COG3: variants seen among roughly 807,000 people sequenced by gnomAD.
COG3 encodes the protein conserved oligomeric Golgi complex subunit 3.
A neutral mutation model predicts 114.1 loss-of-function variants in COG3; 32 were observed. The observed-to-expected ratio is 0.28, with a 90% confidence interval of 0.21 to 0.38. The LOEUF is 0.38. Ranked by LOEUF, COG3 falls within the 10% of genes least tolerant of loss-of-function variation. COG3 has a pLI of 1.00. For missense variants in COG3, 813 were observed against 973.2 expected (o/e 0.84, Z 2.19); for synonymous variants, 352 against 365.7 (o/e 0.96, Z 0.43).
At chr13:45,474,283 A>G (rs1380570130) in intron 1 of COG3, among the ~76,000 whole-genome samples, 17 of 146,890 alleles carry the variant, frequency 1.2e-4, no homozygotes, top group Admixed American at 3.5e-4. Context: ...TCAGCCTCCC[A>G]ACTAGCTGGG....
intron 8 of COG3, among the ~76,000 whole-genome samples, chr13:45,489,724 C>T (rs1305403029): frequency 2.6e-5 from 4 of 152,034 alleles, no homozygotes; most frequent in African/African-American, 4.8e-5. Context: ...GTAAGCCCAT[C>T]TTCTTCCTGG....
In COG3 at chr13:45,519,412, C is replaced by T. The variant is rs79893307; in HGVS notation, c.2154+318C>T. Among the ~76,000 whole-genome samples, 9 of 152,334 alleles carry T rather than the reference C, an allele frequency of 5.9e-5. No individual in the cohort carries two copies. The East Asian group carries it at 1.5e-3, about 26-fold the overall frequency. ...TGTGGGCTGGGACTCTCACTTTCTCCTGGACCTGCATGGCAGCAACCACAG... is the reference window on the plus strand; with the variant it reads ...TGTGGGCTGGGACTCTCACTTTCTCTTGGACCTGCATGGCAGCAACCACAG... On this transcript the variant is annotated intron_variant, in intron 19 of 22. Coordinates refer to ENST00000349995, the MANE Select transcript of COG3 (RefSeq NM_031431.4).
intron 13 of COG3, 102 bp from the exon 14 acceptor site, chr13:45,503,142 G>C: frequency 2.1e-6 from 1 of 486,626 alleles, no homozygotes; most frequent in East Asian, 3.2e-5. Context: ...GTTTCCAAAT[G>C]TCAAGTTGAA....
chr13:45,488,682 A>G (rs1886823342), intron 8 of COG3, among the ~76,000 whole-genome samples: 1 of 152,104 alleles, frequency 6.6e-6, no homozygotes, highest in African/African-American at 2.4e-5. Context: ...TATTCATTCT[A>G]CGTAGCAGGA....
chr13:45,504,984 C>T (rs1245258714), intron 14 of COG3, among the ~76,000 whole-genome samples: 2 of 151,820 alleles, frequency 1.3e-5, no homozygotes, highest in African/African-American at 2.4e-5. Context: ...GTCAGGAGTT[C>T]GAGACCAGCC....
In COG3 at chr13:45,491,366, T is replaced by A. The variant is rs551993887; in HGVS notation, c.969-46T>A. 277 of 1,576,046 alleles carry A rather than the reference T, an allele frequency of 1.8e-4. 7 individuals are homozygous for A. In the South Asian group the frequency reaches 3.1e-3, roughly 17 times the overall value. ...ACTGGGATTTAAGATGAAATTTAGT[T>A]TACATATCTGAAATGAAAAGTTTAA... On this transcript the variant is annotated intron_variant, in intron 9 of 22. Transcript: ENST00000349995.
rs753905944 is a variant in COG3, at chr13:45,480,222, C to G, written c.481C>G (p.Gln161Glu). ...ALQHLESLQK[Q>E]YLFVSNKTGT... Reference sequence around the variant, plus strand: ...TCAGCATCTGGAGTCTTTGCAGAAACAGTATCTTTTTGTGTCCAATAAGAC... The same window carrying G: ...TCAGCATCTGGAGTCTTTGCAGAAAGAGTATCTTTTTGTGTCCAATAAGAC... Residue 161 changes from glutamine (Q) to glutamate (E), a missense_variant, in exon 4 of 23, where the codon CAG becomes GAG. Physicochemically the swap from Gln to Glu is conservative, Grantham distance 29 (BLOSUM62 2). Coordinates refer to ENST00000349995, the MANE Select transcript of COG3 (RefSeq NM_031431.4). The G allele has an allele frequency of 1.2e-6, 2 of 1,613,792 alleles. No individual in the cohort carries two copies. Among genetic ancestry groups the G allele is most frequent in the Non-Finnish European group, 1.7e-6 (2 of 1,179,728 alleles).
chr13:45,515,475 T>A (rs1166480911), intron 16 of COG3, among the ~76,000 whole-genome samples: 1 of 152,208 alleles, frequency 6.6e-6, no homozygotes, highest in Non-Finnish European at 1.5e-5. Context: ...CAAACTCTTT[T>A]CTGAAATGAG....
intron 10 of COG3, 46 bp downstream of exon 10, chr13:45,491,584 G>A (rs1314183378): frequency 1.3e-6 from 2 of 1,580,004 alleles, no homozygotes; most frequent in South Asian, 2.3e-5. Context: ...TTCCTCTTGA[G>A]TTATGTTGAT....
At chr13:45,495,906 G>C (rs1868710833) in intron 12 of COG3, among the ~76,000 whole-genome samples, 1 of 152,012 alleles carries the variant, frequency 6.6e-6, no homozygotes, top group Non-Finnish European at 1.5e-5. Flanking sequence ...TTAAAATTCA[G>C]ATTTTATTAT....
At chr13:45,492,298 A>G in intron 11 of COG3, 48 bp downstream of exon 11, 1 of 1,006,436 alleles carries the variant, frequency 9.9e-7, no homozygotes. Flanking sequence ...TTAACTTGCT[A>G]ATGACCATAA....
Position 45,535,583 on chromosome 13 carries a change from T to C in COG3, c.*852T>C. ...TGAATGAAGGTTCAGGTCACCAGCCTTCTGTACACTGCCTTTGGTTTTAGC... is the reference window on the plus strand; with the variant it reads ...TGAATGAAGGTTCAGGTCACCAGCCCTCTGTACACTGCCTTTGGTTTTAGC... On this transcript the variant is annotated 3_prime_UTR_variant, in exon 23 of 23. Coordinates refer to ENST00000349995, the MANE Select transcript of COG3 (RefSeq NM_031431.4). 3.0e-6 allele frequency: 3 copies of C among 985,682 alleles called. No individual in the cohort carries two copies. Among genetic ancestry groups the C allele is most frequent in the Non-Finnish European group, 3.6e-6 (3 of 830,104 alleles). The allele number at this position is 985,682 out of a possible 1,614,324, so 61.1% of individuals were successfully genotyped here.
intron 19 of COG3, among the ~76,000 whole-genome samples, chr13:45,521,577 G>GCGCACACA (rs147991863): frequency 2.6e-4 from 38 of 148,480 alleles, no homozygotes; most frequent in African/African-American, 8.4e-4. Flanking sequence ...ATACATACGT[G>GCGCACACA]CACACACACA....
At position 45,486,748 on chromosome 13, in the gene COG3, T is replaced by C. The variant is rs1886693902; in HGVS notation, c.924+173T>C. 4.6e-5 allele frequency among the ~76,000 whole-genome samples: 7 copies of C among 152,326 alleles called. No homozygotes were observed. The South Asian group carries it at 1.4e-3, about 32-fold the overall frequency. ...ATCTTAGTGTTGTGTCTAGGTTCTT[T>C]AAGTCCACAGAGCAGGAAGCATCTA... On this transcript the variant is annotated intron_variant, in intron 8 of 22. Transcript: ENST00000349995.
At chr13:45,468,360 G>C (rs540251390) in intron 1 of COG3, among the ~76,000 whole-genome samples, 1 of 152,248 alleles carries the variant, frequency 6.6e-6, no homozygotes, top group South Asian at 2.1e-4. Context: ...TATTATTCTT[G>C]TGCTTTCTTT....
At chr13:45,497,784 T>TCAACAACAACAACAACAACAACAACAA (rs1242517110) in intron 13 of COG3, among the ~76,000 whole-genome samples, 5 of 147,138 alleles carry the variant, frequency 3.4e-5, no homozygotes, top group South Asian at 2.2e-4. Flanking sequence ...AGACCCTGTC[T>TCAACAACAACAACAACAACAACAACAA]CAACAACAAC....
chr13:45,500,822 G>C lies in COG3; in HGVS notation c.1489-2422G>C, dbSNP rs146012245. Among the ~76,000 whole-genome samples, 3 of 152,168 alleles carry C rather than the reference G, an allele frequency of 2.0e-5. No homozygotes were observed. The East Asian group carries it at 5.8e-4, about 29-fold the overall frequency. ...GCACTTAGTTTTTATGTCTTTTTAG[G>C]CTCCTTTTGTCTGTGACAGTTTTTC... On this transcript the variant is annotated intron_variant, in intron 13 of 22. Coordinates refer to ENST00000349995, the MANE Select transcript of COG3 (RefSeq NM_031431.4).
At chr13:45,514,793 G>A (rs562429327) in intron 16 of COG3, among the ~76,000 whole-genome samples, 12 of 151,970 alleles carry the variant, frequency 7.9e-5, no homozygotes, top group East Asian at 1.9e-4. Flanking sequence ...GACTACAGGC[G>A]CCCACCACCA....
chr13:45,467,021 T>G (rs765394407), intron 1 of COG3, among the ~76,000 whole-genome samples: 10 of 152,146 alleles, frequency 6.6e-5, no homozygotes, highest in Non-Finnish European at 1.5e-4. Flanking sequence ...CAGATGGTGG[T>G]CCATAATATA....
Sources: gnomAD v4.1 joint callset for allele counts (sites outside exome capture counted in the v4.1 genomes callset) on GRCh38, gnomAD v4.1.1 for gene constraint, MANE v1.5 for transcripts, NCBI Gene and HGNC (gene_info 2026-07-23, HGNC 2026-07-21) for gene names.